EHBP1: variants seen among roughly 807,000 people sequenced by gnomAD.
EHBP1 encodes EH domain-binding protein 1.
In EHBP1, 55 loss-of-function variants were observed where a neutral mutation model predicts 144.0. The observed-to-expected ratio is 0.38, with a 90% CI of 0.31 to 0.48. The LOEUF (loss-of-function observed/expected upper bound fraction) is 0.48, where lower values mean the gene tolerates loss of function less well. EHBP1 is among the 20% of genes least tolerant of loss of function. The pLI, the probability that EHBP1 is intolerant of heterozygous loss-of-function variation, is 0.98. For missense variants in EHBP1, 1,200 were observed against 1,364.2 expected, an observed-to-expected ratio of 0.88 and a Z score of 1.90; for synonymous variants, 469 against 472.7, an observed-to-expected ratio of 0.99 and a Z score of 0.10.
intron 7 of EHBP1, among the ~76,000 whole-genome samples, chr2:62,849,074 A>G (rs1350598323): frequency 6.6e-6 from 1 of 151,982 alleles, no homozygotes. Context: ...CTCTTTTATA[A>G]TCTCCTCCTT....
chr2:62,990,837 G>T lies in EHBP1; in HGVS notation c.2730G>T (p.Met910Ile), dbSNP rs2059384570. ...KAVTESSEQD[M>I]KSGTEDLRTE... ...TAACTGAGAGCTCAGAGCAGGACAT[G>T]AAAGTAAGTCTTACTTGTTTAAAAC... Residue 910 changes from methionine to isoleucine, a missense_variant, in exon 16 of 23, where the codon ATG becomes ATT. Physicochemically the swap from Met to Ile is conservative, Grantham distance 10. Transcript: ENST00000431489. 1.2e-6 allele frequency: 2 copies of T among 1,611,840 alleles called. No individual in the cohort carries two copies. The highest frequency in any genetic ancestry group is 1.7e-5 in the Admixed American group (1 of 59,700).
Position 62,925,976 on chromosome 2 carries a change from C to T in EHBP1, c.1186-16742C>T, listed in dbSNP as rs146270680. On this transcript the variant is annotated intron_variant, in intron 10 of 22. Transcript: ENST00000431489. ...CATGAGCAAAAATAACCAAGCTGGA[C>T]GTATAACACTACCAGACCTCAAAGT... 7.8e-4 allele frequency among the ~76,000 whole-genome samples: 119 copies of T among 152,142 alleles called. 2 individuals carry two copies. The East Asian group carries it at 0.014, about 17-fold the overall frequency.
intron 19 of EHBP1, among the ~76,000 whole-genome samples, chr2:63,021,733 T>A (rs1006951613): frequency 6.6e-6 from 1 of 152,144 alleles, no homozygotes; most frequent in Non-Finnish European, 1.5e-5. Context: ...GTGCAAGCTC[T>A]GTTCCGACAC....
intron 7 of EHBP1, among the ~76,000 whole-genome samples, chr2:62,842,312 C>G (rs900206371): frequency 6.6e-5 from 10 of 152,118 alleles, no homozygotes; most frequent in African/African-American, 2.4e-4. Flanking sequence ...GTCTTGAACT[C>G]CTGACCTCAG....
At chr2:63,015,934 A>C (rs192994672) in intron 19 of EHBP1, among the ~76,000 whole-genome samples, 1 of 152,172 alleles carries the variant, frequency 6.6e-6, no homozygotes, top group Non-Finnish European at 1.5e-5. Context: ...ACAAGGCTTT[A>C]ATATTTCCTC....
intron 19 of EHBP1, among the ~76,000 whole-genome samples, chr2:63,008,612 GT>G (rs887859091): frequency 1.3e-4 from 18 of 141,664 alleles, no homozygotes; most frequent in South Asian, 8.9e-4. Context: ...GTACCTAGAG[GT>G]TTTTTTTTCT....
At position 62,942,808 on chromosome 2, in the gene EHBP1, C is replaced by T. The variant is rs1429568889; in HGVS notation, c.1276C>T (p.Arg426Ter). ...VWCKEVTKNY[R>*]GVKITNFTTS... ...GTGTAAAGAAGTTACAAAGAACTACCGAGGAGTAAAAATCACCAATTTTAC... is the reference window on the plus strand; with the variant it reads ...GTGTAAAGAAGTTACAAAGAACTACTGAGGAGTAAAAATCACCAATTTTAC... The change falls in exon 11 of 23, where the codon CGA becomes TGA. Residue 426 changes from arginine to a stop codon, truncating the protein, a stop_gained. Coordinates refer to ENST00000431489, the MANE Select transcript of EHBP1 (RefSeq NM_001142616.3). LOFTEE classifies it high-confidence loss of function. The T allele has an allele frequency of 4.3e-6, 7 of 1,613,472 alleles. No homozygotes were observed. The highest frequency in any genetic ancestry group is 5.9e-6 in the Non-Finnish European group (7 of 1,179,616).
chr2:62,859,077 T>C, intron 7 of EHBP1, 92 bp from the exon 8 acceptor site: 1 of 1,229,912 alleles, frequency 8.1e-7, no homozygotes, highest in Non-Finnish European at 1.1e-6. Flanking sequence ...CAGGTATTAT[T>C]CGTGTGAACT....
chr2:62,682,814 G>A (rs1449077381), intron 1 of EHBP1, among the ~76,000 whole-genome samples: 2 of 152,158 alleles, frequency 1.3e-5, no homozygotes, highest in Admixed American at 6.5e-5. Context: ...AATTCTCCAA[G>A]TCAAAGAATA....
chr2:62,778,742 A>C (rs2042220470), intron 5 of EHBP1, among the ~76,000 whole-genome samples: 1 of 151,408 alleles, frequency 6.6e-6, no homozygotes, highest in Non-Finnish European at 1.5e-5. Context: ...TATTAAATTT[A>C]AGTTTAAATC....
At chr2:62,971,613 C>A (rs762391525) in intron 14 of EHBP1, among the ~76,000 whole-genome samples, 2 of 152,160 alleles carry the variant, frequency 1.3e-5, no homozygotes, top group Admixed American at 6.6e-5. Context: ...TTAATTCTTA[C>A]TATGCCATTT....
intron 1 of EHBP1, among the ~76,000 whole-genome samples, chr2:62,676,911 T>C (rs905090717): frequency 3.3e-5 from 5 of 152,192 alleles, no homozygotes. Context: ...TGATGCATCA[T>C]GCCTATAATG....
chr2:62,890,375 G>T (rs942217721), intron 10 of EHBP1, among the ~76,000 whole-genome samples: 1 of 152,140 alleles, frequency 6.6e-6, no homozygotes, highest in Non-Finnish European at 1.5e-5. Flanking sequence ...CCATGAGCAT[G>T]GAATGTTTTT....
chr2:62,955,821 A>G (rs2057666677), intron 14 of EHBP1, 161 bp downstream of exon 14: 2 of 668,068 alleles, frequency 3.0e-6, no homozygotes, highest in Admixed American at 7.7e-5. Flanking sequence ...TCATACTTGT[A>G]GGACCATTTG....
At chr2:62,932,376 GAATA>G (rs1436787878) in intron 10 of EHBP1, among the ~76,000 whole-genome samples, 1 of 152,110 alleles carries the variant, frequency 6.6e-6, no homozygotes, top group Non-Finnish European at 1.5e-5. Flanking sequence ...ATCTGCAGTG[GAATA>G]TTATTCAGCC....
intron 21 of EHBP1, among the ~76,000 whole-genome samples, chr2:63,043,148 C>T (rs1455486482): frequency 2.6e-5 from 4 of 152,046 alleles, no homozygotes; most frequent in African/African-American, 7.2e-5. Flanking sequence ...TCTTTCCAAC[C>T]TGGAGAGCCT....
upstream of EHBP1, among the ~76,000 whole-genome samples, chr2:62,704,398 A>C (rs1045348500): frequency 6.6e-6 from 1 of 152,092 alleles, no homozygotes; most frequent in African/African-American, 2.4e-5. Context: ...CTACAGATGG[A>C]CTCAATTCTC....
chr2:62,956,463 A>G (rs1192698660), intron 14 of EHBP1, among the ~76,000 whole-genome samples: 1 of 152,124 alleles, frequency 6.6e-6, no homozygotes, highest in African/African-American at 2.4e-5. Context: ...CGTTTACCCA[A>G]AGAAGTACCC....
chr2:62,684,281 G>T (rs2033642441), intron 1 of EHBP1, among the ~76,000 whole-genome samples: 1 of 152,038 alleles, frequency 6.6e-6, no homozygotes, highest in South Asian at 2.1e-4. Flanking sequence ...AAGTATCAAA[G>T]AGAGGTAGAC....
Sources: allele counts gnomAD v4.1 joint callset (sites outside exome capture counted in the v4.1 genomes callset), GRCh38; gene constraint gnomAD v4.1.1; transcripts MANE v1.5; gene names NCBI Gene and HGNC (gene_info 2026-07-23, HGNC 2026-07-21).